Variants in PRXL2B observed in about 807,000 individuals in gnomAD.
PRXL2B encodes prostamide/prostaglandin F synthase.
PRXL2B carries 26 observed loss-of-function variants against 24.4 expected under a neutral mutation model. The observed-to-expected ratio is 1.07, with a 90% CI of 0.78 to 1.48. PRXL2B has a LOEUF of 1.48. Among genes scored for constraint, PRXL2B ranks in the 40% most tolerant of loss-of-function variants. The pLI is 0.00. For synonymous variants in PRXL2B, 115 were observed against 118.9 expected, an observed-to-expected ratio of 0.97 and a Z score of 0.21; for missense variants, 269 against 264.8, an observed-to-expected ratio of 1.02 and a Z score of -0.11.
Position 2,590,924 on chromosome 1 carries a change from G to C in PRXL2B, c.*1497G>C. ...GACGTACACTGGGTCGCCGCTAGCT[G>C]CACCTTCGCACAGATGCCTCCGAGC... is the stretch of plus-strand genomic sequence containing the variant. On this transcript the variant is annotated 3_prime_UTR_variant, in exon 7 of 7. Coordinates refer to ENST00000419916, the MANE Select transcript of PRXL2B (RefSeq NM_152371.5). 1 of 1,245,358 alleles carries C rather than the reference G, an allele frequency of 8.0e-7. No individual in the cohort carries two copies. Among genetic ancestry groups the C allele is most frequent in the Non-Finnish European group, 1.1e-6 (1 of 951,676 alleles). The allele number at this position is 1,245,358 out of a possible 1,614,324, so 77.1% of individuals were successfully genotyped here.
rs1438701056 is a variant in PRXL2B at position 2,587,256 on chromosome 1, G to C, written c.229G>C (p.Gly77Arg). The C allele has an allele frequency of 1.3e-6, 2 of 1,578,368 alleles. No individual in the cohort carries two copies. Among genetic ancestry groups the C allele is most frequent in the Middle Eastern group, 1.7e-4 (1 of 6,030 alleles). Reference protein sequence around the residue: ...RLVGVGPEALGLQEFLDGDYF... With the variant: ...RLVGVGPEALRLQEFLDGDYF... Reference sequence around the variant, plus strand: ...GGTGGGCGTAGGGCCCGAGGCCCTGGGTCTGCAGGAGTTCCTGGACGGCGA... The same window carrying C: ...GGTGGGCGTAGGGCCCGAGGCCCTGCGTCTGCAGGAGTTCCTGGACGGCGA... Residue 77 changes from glycine to arginine, a missense_variant, in exon 2 of 7, where the codon GGT (glycine) becomes CGT (arginine). Coordinates refer to ENST00000419916, the MANE Select transcript of PRXL2B (RefSeq NM_152371.5). This position sits in a 1 kb window ranked among gnomAD's most constrained non-coding sequence, Gnocchi z 6.1.
chr1:2,589,716 C>T lies in PRXL2B; in HGVS notation c.*289C>T, dbSNP rs1421424264. ...TCATCTTCCTGCTCTGCGACTTTCT[C>T]TGGAGACCTTGGGCCTTTGGCCTGT... is the stretch of plus-strand genomic sequence containing the variant. On this transcript the variant is annotated 3_prime_UTR_variant, in exon 7 of 7. Coordinates refer to ENST00000419916, the MANE Select transcript of PRXL2B (RefSeq NM_152371.5). 1 of 555,948 alleles carries T rather than the reference C, an allele frequency of 1.8e-6. No homozygotes were observed. The highest frequency in any genetic ancestry group is 1.9e-5 in the African/African-American group (1 of 52,412). 34.4% of individuals were successfully genotyped at this position (555,948 alleles called of 1,614,324 possible).
At chr1:2,589,088 T>C (rs6670198) in intron 6 of PRXL2B, 48 bp downstream of exon 6, 607,682 of 1,562,344 alleles carry the variant, frequency 0.39, 126,007 homozygotes, top group African/African-American at 0.75. Flanking sequence ...GCCCTGCCCC[T>C]AGGTCCCCTG....
At chr1:2,588,844 ACCCT>A in intron 5 of PRXL2B, 74 bp from the exon 6 acceptor site, 1 of 1,440,114 alleles carries the variant, frequency 6.9e-7, no homozygotes, top group Non-Finnish European at 9.7e-7. Context: ...GGGCTGCCCT[ACCCT>A]CCCTCCTCCT....
At position 2,591,041 on chromosome 1, in the gene PRXL2B, G is replaced by C. The variant is rs149935815; in HGVS notation, c.*1614G>C. 2.5e-6 allele frequency: 4 copies of C among 1,606,900 alleles called. No homozygotes were observed. In the African/African-American group the frequency reaches 4.0e-5, roughly 16 times the overall value. ...GGTGCATGGGGGTGCCCCGGGCACAGTGGAACGTGTCTGCGAAGGCGGCCA... is the reference window on the plus strand; with the variant it reads ...GGTGCATGGGGGTGCCCCGGGCACACTGGAACGTGTCTGCGAAGGCGGCCA... On this transcript the variant is annotated 3_prime_UTR_variant, in exon 7 of 7. Transcript: ENST00000419916.
In PRXL2B at chr1:2,587,026, G is replaced by T. The variant is rs1570615042; in HGVS notation, c.64-65G>T. ...GCGTCCTGGCAGCGATGGGGTGGTG[G>T]GGGCCGCGGGGCCTGGGCGGGGCTG... On this transcript the variant is annotated intron_variant, in intron 1 of 6. Transcript: ENST00000419916. The surrounding 1 kb of genome is among the most constrained non-coding windows in gnomAD (Gnocchi z 6.1). 1 of 1,337,072 alleles carries T rather than the reference G, an allele frequency of 7.5e-7. No individual in the cohort carries two copies. The highest frequency in any genetic ancestry group is 3.1e-5 in the East Asian group (1 of 32,374). 82.8% of individuals were successfully genotyped at this position (1,337,072 alleles called of 1,614,324 possible).
In PRXL2B at chr1:2,589,275, G is replaced by A. The variant is rs184894716; in HGVS notation, c.580-135G>A. The A allele has an allele frequency of 6.8e-5, 92 of 1,344,976 alleles. No homozygotes were observed. In the East Asian group the frequency reaches 2.0e-3, roughly 30 times the overall value. The allele number at this position is 1,344,976 out of a possible 1,614,324, so 83.3% of individuals were successfully genotyped here. ...CCTTGGGACTGTCCTCAGAGGTGGG[G>A]GCGACACATGGGGTGGCGGGCAGAG... On this transcript the variant is annotated intron_variant, in intron 6 of 6. Coordinates refer to ENST00000419916, the MANE Select transcript of PRXL2B (RefSeq NM_152371.5).
rs1644628601 is a variant in PRXL2B at position 2,589,542 on chromosome 1, T to C, written c.*115T>C. ...GCGCTGGGTCGGGATGCCGAACCTC[T>C]CCTGATCCGCCGGCAGCAACGAGCC... is the stretch of plus-strand genomic sequence containing the variant. On this transcript the variant is annotated 3_prime_UTR_variant, in exon 7 of 7. Coordinates refer to ENST00000419916, the MANE Select transcript of PRXL2B (RefSeq NM_152371.5). The C allele has an allele frequency of 2.1e-6, 3 of 1,449,884 alleles. No homozygotes were observed. The highest frequency in any genetic ancestry group is 2.8e-6 in the Non-Finnish European group (3 of 1,054,538). 89.8% of individuals were successfully genotyped at this position (1,449,884 alleles called of 1,614,324 possible).
At chr1:2,588,487 G>T (rs756511310) in intron 4 of PRXL2B, 34 bp downstream of exon 4, 14 of 1,613,822 alleles carry the variant, frequency 8.7e-6, no homozygotes, top group African/African-American at 1.3e-5. Context: ...AGGCCGGGGG[G>T]TGGTGGGAGC....
chr1:2,587,335 C>T lies in PRXL2B; in HGVS notation c.268+40C>T, dbSNP rs759096405. On this transcript the variant is annotated intron_variant, in intron 2 of 6. Transcript: ENST00000419916. The surrounding 1 kb of genome is among the most constrained non-coding windows in gnomAD (Gnocchi z 6.1). Reference sequence around the variant, plus strand: ...CCGCCGCGGCGGCGCACATACCCTTCCCTAAGCTCAGGGCGTTCGGGGCCC... The same window carrying T: ...CCGCCGCGGCGGCGCACATACCCTTTCCTAAGCTCAGGGCGTTCGGGGCCC... 1.3e-6 allele frequency: 2 copies of T among 1,536,686 alleles called. No individual in the cohort carries two copies. The highest frequency in any genetic ancestry group is 8.7e-7 in the Non-Finnish European group (1 of 1,146,596).
rs766706557 is a variant in PRXL2B, at chr1:2,588,586, G to T, written c.421G>T (p.Asp141Tyr). ...AVGIQGNLSG[D>Y]LLQSGGLLVV... ...TGGCATCCAGGGGAACTTGTCTGGGGACCTGCTGCAGAGCGGAGGGCTGCT... is the reference window on the plus strand; with the variant it reads ...TGGCATCCAGGGGAACTTGTCTGGGTACCTGCTGCAGAGCGGAGGGCTGCT... The change falls in exon 5 of 7, where the codon GAC becomes TAC. Residue 141 changes from aspartate (D) to tyrosine (Y), a missense_variant. By Grantham distance (160) the Asp-to-Tyr change is radical. Transcript: ENST00000419916. The T allele has an allele frequency of 1.9e-6, 3 of 1,614,136 alleles. No homozygotes were observed. In the South Asian group the frequency reaches 3.3e-5, roughly 18 times the overall value.
chr1:2,587,141 G>A lies in PRXL2B; in HGVS notation c.114G>A (p.Gly38=). The change falls in exon 2 of 7, where the codon GGG becomes GGA. Residue 38 remains glycine, a synonymous_variant. Transcript: ENST00000419916. The surrounding 1 kb of genome is among the most constrained non-coding windows in gnomAD (Gnocchi z 6.1). ...LWREHACVVA[G]LRRFGCVVCR... is the part of the protein sequence containing the mutation. ...GGGAGCACGCGTGCGTGGTGGCCGGGCTGCGGCGCTTCGGGTGCGTGGTGT... is the reference window on the plus strand; with the variant it reads ...GGGAGCACGCGTGCGTGGTGGCCGGACTGCGGCGCTTCGGGTGCGTGGTGT... 6.5e-7 allele frequency: 1 copy of A among 1,539,714 alleles called. No individual in the cohort carries two copies. The highest frequency in any genetic ancestry group is 1.2e-5 in the South Asian group (1 of 84,390).
Position 2,588,934 on chromosome 1 carries a change from T to C in PRXL2B, c.473T>C (p.Val158Ala), listed in dbSNP as rs1644602265. Residue 158 changes from valine to alanine, a missense_variant, in exon 6 of 7, where the codon GTG becomes GCG. By Grantham distance (64) the Val-to-Ala change is moderately conservative (BLOSUM62 0). Coordinates refer to ENST00000419916, the MANE Select transcript of PRXL2B (RefSeq NM_152371.5). ...CCCGCTGCTACAGGTGGTGATAAAG[T>C]GCTCCTGCATTTCGTCCAGAAGTCC... is the stretch of plus-strand genomic sequence containing the variant. ...LLVVSKGGDK[V>A]LLHFVQKSPG... The C allele has an allele frequency of 6.2e-7, 1 of 1,613,232 alleles. No homozygotes were observed. The highest frequency in any genetic ancestry group is 1.3e-5 in the African/African-American group (1 of 75,040).
At position 2,586,782 on chromosome 1, in the gene PRXL2B, T is replaced by G. The variant is rs1302790929; in HGVS notation, c.-104T>G. On this transcript the variant is annotated 5_prime_UTR_variant, in exon 1 of 7. Coordinates refer to ENST00000419916, the MANE Select transcript of PRXL2B (RefSeq NM_152371.5). ...GGACCGGGGCATCTCGGGGCGGGGC[T>G]TGGGGCTGGATCTATGAGCCGGGAG... 1.6e-6 allele frequency: 2 copies of G among 1,247,306 alleles called. No individual in the cohort carries two copies. Among genetic ancestry groups the G allele is most frequent in the African/African-American group, 1.6e-5 (1 of 63,854 alleles). The allele number at this position is 1,247,306 out of a possible 1,614,324, so 77.3% of individuals were successfully genotyped here. A position where few individuals can be genotyped will look rare whatever the true frequency, so the allele number is the denominator to read the frequency against.
At position 2,588,585 on chromosome 1, in the gene PRXL2B, G is replaced by A. The variant is rs756310925; in HGVS notation, c.420G>A (p.Gly140=). ...KAVGIQGNLS[G]DLLQSGGLLV... ...TTGGCATCCAGGGGAACTTGTCTGG[G>A]GACCTGCTGCAGAGCGGAGGGCTGC... Residue 140 remains glycine, a synonymous_variant, in exon 5 of 7, where the codon GGG becomes GGA. Transcript: ENST00000419916. The A allele has an allele frequency of 3.1e-6, 5 of 1,614,030 alleles. No individual in the cohort carries two copies.
chr1:2,588,461 C>T lies in PRXL2B; in HGVS notation c.384+8C>T, dbSNP rs760595695. 2.0e-5 allele frequency: 33 copies of T among 1,613,610 alleles called. No individual in the cohort carries two copies. Among genetic ancestry groups the T allele is most frequent in the Non-Finnish European group, 2.4e-5 (28 of 1,179,918 alleles). The stretch of plus-strand genomic sequence containing the variant: ...CGTGATGTGGCTGCCAAGGTGTGTG[C>T]GGGTCAAGGGTGTACAGGCCGGGGG... On this transcript the variant is annotated splice_region_variant and intron_variant, in intron 4 of 6. Transcript: ENST00000419916.
Position 2,591,139 on chromosome 1 carries a change from A to G in PRXL2B, c.*1712A>G, listed in dbSNP as rs772304528. 2.0e-5 allele frequency: 27 copies of G among 1,343,116 alleles called. No homozygotes were observed. Among genetic ancestry groups the G allele is most frequent in the Middle Eastern group, 1.9e-4 (1 of 5,342 alleles). The allele number at this position is 1,343,116 out of a possible 1,614,324, so 83.2% of individuals were successfully genotyped here. A position where few individuals can be genotyped will look rare whatever the true frequency, so the allele number is the denominator to read the frequency against. On this transcript the variant is annotated 3_prime_UTR_variant, in exon 7 of 7. Coordinates refer to ENST00000419916, the MANE Select transcript of PRXL2B (RefSeq NM_152371.5). ...AGGAGCATTGCCATCTTGGACAAAC[A>G]TGGCCATTTTAAGTTCTCCGTGATT...
In PRXL2B at chr1:2,587,075, C is replaced by T. The variant is rs569320044; in HGVS notation, c.64-16C>T. ...TGGGGGCAACGGGGCGCGCCCATGA[C>T]CCAGCCGCCCGGCAGGCCGTGGAGC... On this transcript the variant is annotated splice_polypyrimidine_tract_variant and intron_variant, in intron 1 of 6. Transcript: ENST00000419916. The surrounding 1 kb of genome is among the most constrained non-coding windows in gnomAD (Gnocchi z 6.1). 8 of 1,498,386 alleles carry T rather than the reference C, an allele frequency of 5.3e-6. No individual in the cohort carries two copies. In the African/African-American group the frequency reaches 1.1e-4, roughly 21 times the overall value. 92.8% of individuals were successfully genotyped at this position (1,498,386 alleles called of 1,614,324 possible).
intron 5 of PRXL2B, 130 bp from the exon 6 acceptor site, chr1:2,588,792 G>T: frequency 8.5e-7 from 1 of 1,182,494 alleles, no homozygotes; most frequent in Non-Finnish European, 1.2e-6. Flanking sequence ...TGGCAGAACA[G>T]CTCACTCATC....
Sources: allele counts gnomAD v4.1 joint callset, GRCh38; gene constraint gnomAD v4.1.1; non-coding constraint Gnocchi (gnomAD v3.1); transcripts MANE v1.5; gene names NCBI Gene and HGNC (gene_info 2026-07-23, HGNC 2026-07-21).